Variants in NREP observed in about 807,000 individuals in gnomAD.
NREP encodes neuronal regeneration related protein.
In NREP, 5 loss-of-function variants were observed where a neutral mutation model predicts 8.6. The observed-to-expected ratio is 0.58, with a 90% CI of 0.30 to 1.22. NREP has a LOEUF of 1.22. Ranked by LOEUF, NREP falls within the 50% of genes most tolerant of loss-of-function variation. The probability of loss-of-function intolerance (pLI) is 0.07; values close to 1 mark genes in which losing one functional copy is unlikely to be tolerated. For missense variants in NREP, 86 were observed against 82.5 expected (o/e 1.04, Z -0.17); for synonymous variants, 27 against 28.0 (o/e 0.96, Z 0.11).
chr5:111,907,539 T>C (rs1754807999), intron 2 of NREP, among the ~76,000 whole-genome samples: 1 of 152,112 alleles, frequency 6.6e-6, no homozygotes, highest in Non-Finnish European at 1.5e-5. Context: ...ATTAGCCTAC[T>C]CGTCTATTCC....
At chr5:111,961,907 G>A (rs1372971179) in intron 2 of NREP, among the ~76,000 whole-genome samples, 1 of 152,222 alleles carries the variant, frequency 6.6e-6, no homozygotes, top group East Asian at 1.9e-4. Flanking sequence ...TATAACAGAA[G>A]TATTGGGGAG....
chr5:111,877,516 T>C (rs1753939290), intron 2 of NREP, among the ~76,000 whole-genome samples: 1 of 152,152 alleles, frequency 6.6e-6, no homozygotes, highest in Admixed American at 6.5e-5. Flanking sequence ...GCAGGGAGAT[T>C]GGGAGTTGGT....
intron 2 of NREP, among the ~76,000 whole-genome samples, chr5:111,865,770 G>A (rs997982944): frequency 6.6e-6 from 1 of 152,058 alleles, no homozygotes; most frequent in Non-Finnish European, 1.5e-5. Flanking sequence ...AGCACTGTGA[G>A]GTAACGTGGA....
chr5:111,755,531 A>G, intron 2 of NREP: 2 of 542,120 alleles, frequency 3.7e-6, no homozygotes, highest in South Asian at 4.5e-5. Context: ...CTCACTTCTG[A>G]AAGAGGAATT....
Position 111,839,129 on chromosome 5 carries a change from T to C in NREP, c.136-103622A>G, listed in dbSNP as rs536816637. On this transcript the variant is annotated intron_variant, in intron 2 of 3. Coordinates refer to the NREP transcript ENST00000395634. ...GAACAAAACATACTCAGACTTCATC[T>C]TCATTGTTACAAACTACATTGTCTC... is the stretch of plus-strand genomic sequence containing the variant. Among the ~76,000 whole-genome samples, 8 of 152,274 alleles carry C rather than the reference T, an allele frequency of 5.3e-5. No homozygotes were observed. In the East Asian group the frequency reaches 1.5e-3, roughly 29 times the overall value.
At chr5:111,937,341 A>C (rs568094361) in intron 2 of NREP, among the ~76,000 whole-genome samples, 2 of 152,146 alleles carry the variant, frequency 1.3e-5, no homozygotes, top group Non-Finnish European at 2.9e-5. Flanking sequence ...GTAGTATTCA[A>C]GCATGATTCA....
At chr5:111,949,075 G>C (rs866428539) in intron 2 of NREP, 207 of 152,048 alleles carry the variant, frequency 1.4e-3, no homozygotes, top group African/African-American at 4.9e-3. Context: ...TGAAATTCTG[G>C]AAACCCTTTC....
intron 2 of NREP, among the ~76,000 whole-genome samples, chr5:111,876,250 T>C (rs184679738): frequency 1.6e-4 from 24 of 152,296 alleles, no homozygotes; most frequent in Non-Finnish European, 2.2e-4. Context: ...AGGCTGCTTT[T>C]GATTAGAAAA....
intron 2 of NREP, among the ~76,000 whole-genome samples, chr5:111,819,975 G>T (rs1301378620): frequency 1.3e-5 from 2 of 152,144 alleles, no homozygotes; most frequent in African/African-American, 2.4e-5. Context: ...AATTGCCACA[G>T]ATACTGACAA....
intron 2 of NREP, among the ~76,000 whole-genome samples, chr5:111,890,989 C>A (rs1754381670): frequency 6.6e-6 from 1 of 152,230 alleles, no homozygotes; most frequent in South Asian, 2.1e-4. Flanking sequence ...GAATTCTTCT[C>A]CTGAAAATGG....
intron 2 of NREP, among the ~76,000 whole-genome samples, chr5:111,961,689 G>T (rs970005107): frequency 2.0e-5 from 3 of 152,082 alleles, no homozygotes; most frequent in African/African-American, 4.8e-5. Context: ...ATGTCTTCCT[G>T]TTCTGAATCC....
chr5:111,927,194 C>T lies in NREP; in HGVS notation c.135+48080G>A, dbSNP rs574198439. On this transcript the variant is annotated intron_variant, in intron 2 of 3. Transcript: ENST00000395634. ...TGTGGTGGGGGAGCCCTCTCCTGCG[C>T]CACTGAGGCCTGACTAGCTACCTAC... 9.8e-4 allele frequency among the ~76,000 whole-genome samples: 149 copies of T among 152,192 alleles called. 1 individual carries two copies. Among genetic ancestry groups the T allele is most frequent in the African/African-American group, 3.4e-3 (140 of 41,562 alleles).
rs1423304101 is a variant in NREP at position 111,901,733 on chromosome 5, G to A, written c.135+73541C>T. ...CAAAAAATAAAAATAAAATGCTCAG[G>A]AATACACTTAGCCAAGAAAGTGAAA... On this transcript the variant is annotated intron_variant, in intron 2 of 3. Transcript: ENST00000395634. Among the ~76,000 whole-genome samples the A allele has an allele frequency of 2.0e-5, 3 of 152,056 alleles. No individual in the cohort carries two copies. In the East Asian group the frequency reaches 5.8e-4, roughly 29 times the overall value.
intron 2 of NREP, among the ~76,000 whole-genome samples, chr5:111,858,642 C>G (rs190865057): frequency 6.6e-6 from 1 of 152,128 alleles, no homozygotes; most frequent in Non-Finnish European, 1.5e-5. Flanking sequence ...AGATTGAGAC[C>G]CTGACTCAAA....
At chr5:111,845,083 C>T (rs146384644) in intron 2 of NREP, among the ~76,000 whole-genome samples, 40 of 152,094 alleles carry the variant, frequency 2.6e-4, no homozygotes, top group Admixed American at 1.1e-3. Context: ...CTGTTGCCTT[C>T]GGACTGCAAG....
chr5:111,915,520 T>C (rs78023947), intron 2 of NREP, among the ~76,000 whole-genome samples: 1,805 of 152,106 alleles, frequency 0.012, 37 homozygotes, highest in African/African-American at 0.041. Flanking sequence ...TCAAAAGCAC[T>C]TAGGTCCTAG....
At chr5:111,843,743 T>C (rs1753089569) in intron 2 of NREP, among the ~76,000 whole-genome samples, 1 of 152,114 alleles carries the variant, frequency 6.6e-6, no homozygotes, top group African/African-American at 2.4e-5. Flanking sequence ...TTAGAGATTC[T>C]GGAAGTGTTG....
intron 2 of NREP, among the ~76,000 whole-genome samples, chr5:111,783,073 T>C (rs958323544): frequency 6.6e-6 from 1 of 152,112 alleles, no homozygotes; most frequent in African/African-American, 2.4e-5. Flanking sequence ...AGGCTCTGGG[T>C]GAACTCATGG....
chr5:111,962,050 G>A (rs1171175365), intron 2 of NREP, among the ~76,000 whole-genome samples: 2 of 152,152 alleles, frequency 1.3e-5, no homozygotes, highest in Non-Finnish European at 2.9e-5. Flanking sequence ...CCCAGAGGAG[G>A]AGGCAGGATT....
Sources: allele counts gnomAD v4.1 joint callset (sites outside exome capture counted in the v4.1 genomes callset), GRCh38; gene constraint gnomAD v4.1.1; transcripts MANE v1.5; gene names NCBI Gene and HGNC (gene_info 2026-07-23, HGNC 2026-07-21).